The following WNK2 variants were observed in gnomAD, a reference collection of about 807,000 sequenced individuals.
The protein encoded by WNK2 is WNK lysine deficient protein kinase 2.
A neutral mutation model predicts 192.1 loss-of-function variants in WNK2; 67 were observed. The observed-to-expected ratio is 0.35, with a 90% confidence interval of 0.29 to 0.43. The LOEUF (loss-of-function observed/expected upper bound fraction) is 0.43, where lower values mean the gene tolerates loss of function less well. WNK2 is among the 20% of genes least tolerant of loss of function. The pLI is 1.00. For synonymous variants in WNK2, 1,439 were observed against 1,393.9 expected, an observed-to-expected ratio of 1.03 and a Z score of -0.72; for missense variants, 2,698 against 3,089.7, an observed-to-expected ratio of 0.87 and a Z score of 3.01.
At chr9:93,278,366 A>G (rs892092335) in intron 19 of WNK2, among the ~76,000 whole-genome samples, 3 of 152,226 alleles carry the variant, frequency 2.0e-5, no homozygotes, top group African/African-American at 7.2e-5. Flanking sequence ...AGGCTGAGGA[A>G]TGACCCACCA....
At chr9:93,235,051 A>G in intron 5 of WNK2, 86 bp downstream of exon 5, 1 of 1,511,866 alleles carries the variant, frequency 6.6e-7, no homozygotes, top group South Asian at 1.2e-5. Flanking sequence ...TGGCTCTGTA[A>G]AGCCATCCTG....
At chr9:93,268,538 T>A (rs1228102004) in intron 18 of WNK2, 89 bp from the exon 19 acceptor site, 2 of 1,544,574 alleles carry the variant, frequency 1.3e-6, no homozygotes, top group African/African-American at 2.7e-5. Context: ...ACAGACCCAC[T>A]GTGGCAAGTC....
chr9:93,298,112 C>A (rs1204383846), intron 24 of WNK2, 45 bp downstream of exon 24: 2 of 1,538,676 alleles, frequency 1.3e-6, no homozygotes, highest in Non-Finnish European at 1.8e-6. Context: ...GGGCTGGGGA[C>A]CCCCGAGTGA....
At chr9:93,208,145 G>A (rs1202183816) in intron 2 of WNK2, among the ~76,000 whole-genome samples, 4 of 152,210 alleles carry the variant, frequency 2.6e-5, no homozygotes, top group Non-Finnish European at 4.4e-5. Context: ...CTGTGGCGGA[G>A]CCTGGAGCAG....
chr9:93,308,286 G>C (rs988441711), intron 27 of WNK2, 42 bp from the exon 28 acceptor site: 4 of 1,533,852 alleles, frequency 2.6e-6, no homozygotes, highest in Non-Finnish European at 3.5e-6. Context: ...GCCTGGGTGC[G>C]TGTGTGGCGT....
intron 11 of WNK2, 137 bp from the exon 12 acceptor site, chr9:93,258,794 T>C (rs1356317908): frequency 1.4e-6 from 1 of 719,080 alleles, no homozygotes; most frequent in Admixed American, 2.8e-5. Flanking sequence ...CACAAAGGTG[T>C]CTCGGAGGGA....
At position 93,317,636 on chromosome 9, in the gene WNK2, T is replaced by C; in HGVS notation, c.6628+5T>C. 8 of 1,612,418 alleles carry C rather than the reference T, an allele frequency of 5.0e-6. No individual in the cohort carries two copies. The highest frequency in any genetic ancestry group is 6.8e-6 in the Non-Finnish European group (8 of 1,179,536). On this transcript the variant is annotated splice_donor_5th_base_variant and intron_variant, in intron 29 of 29. Coordinates refer to ENST00000427277, the MANE Select transcript of WNK2 (RefSeq NM_006648.4). ...CCCTGTCCGTGCCCACACCAGGTACTGCCCTCTCCAACCTCCCAACCCCAC... is the reference window on the plus strand; with the variant it reads ...CCCTGTCCGTGCCCACACCAGGTACCGCCCTCTCCAACCTCCCAACCCCAC...
intron 2 of WNK2, among the ~76,000 whole-genome samples, chr9:93,218,209 C>G (rs2131712439): frequency 6.6e-6 from 1 of 152,296 alleles, no homozygotes; most frequent in South Asian, 2.1e-4. Flanking sequence ...TTCTGTGGAA[C>G]TCCACAGGAT....
intron 23 of WNK2, among the ~76,000 whole-genome samples, chr9:93,295,590 G>A (rs1234349853): frequency 6.6e-6 from 1 of 151,948 alleles, no homozygotes; most frequent in African/African-American, 2.4e-5. Flanking sequence ...TGAAGGCAAG[G>A]GGTTACAGGC....
chr9:93,266,537 GC>G (rs1845200735), intron 16 of WNK2, among the ~76,000 whole-genome samples: 1 of 152,354 alleles, frequency 6.6e-6, no homozygotes, highest in Non-Finnish European at 1.5e-5. Flanking sequence ...TTGGAACGTT[GC>G]TTAAATTCTC....
chr9:93,273,270 G>C (rs1381040791), intron 19 of WNK2, among the ~76,000 whole-genome samples: 1 of 152,176 alleles, frequency 6.6e-6, no homozygotes, highest in Non-Finnish European at 1.5e-5. Flanking sequence ...CGATTCTCCT[G>C]CCTCAGCCTC....
chr9:93,278,841 G>A (rs1369061631), intron 19 of WNK2, among the ~76,000 whole-genome samples: 1 of 152,188 alleles, frequency 6.6e-6, no homozygotes, highest in African/African-American at 2.4e-5. Context: ...CTATAGAAGT[G>A]TAATTCACCA....
intron 2 of WNK2, among the ~76,000 whole-genome samples, chr9:93,221,275 C>T (rs1428557952): frequency 2.0e-5 from 3 of 152,230 alleles, no homozygotes; most frequent in South Asian, 2.1e-4. Flanking sequence ...CAGTATGGAC[C>T]GGGCACCACC....
intron 19 of WNK2, among the ~76,000 whole-genome samples, chr9:93,281,876 C>G (rs1053935046): frequency 1.3e-5 from 2 of 152,102 alleles, no homozygotes; most frequent in Non-Finnish European, 2.9e-5. Flanking sequence ...GAAATAAGCC[C>G]CAACCTCAAA....
intron 16 of WNK2, among the ~76,000 whole-genome samples, chr9:93,264,676 T>G (rs975043917): frequency 2.0e-5 from 3 of 152,188 alleles, no homozygotes; most frequent in Non-Finnish European, 4.4e-5. Context: ...TCCTCAAATT[T>G]CCTGGTGCAT....
At chr9:93,189,190 A>G (rs957451481) in intron 2 of WNK2, among the ~76,000 whole-genome samples, 5 of 151,844 alleles carry the variant, frequency 3.3e-5, no homozygotes, top group Admixed American at 3.3e-4. Context: ...CTTTAACAAC[A>G]CTGACGCCTC....
intron 19 of WNK2, among the ~76,000 whole-genome samples, chr9:93,274,885 C>T (rs555225666): frequency 1.3e-5 from 2 of 152,302 alleles, no homozygotes; most frequent in South Asian, 4.1e-4. Flanking sequence ...AAAATCTCTT[C>T]CAGAAAATAG....
At chr9:93,258,228 G>T (rs1281859146) in intron 11 of WNK2, among the ~76,000 whole-genome samples, 1 of 152,220 alleles carries the variant, frequency 6.6e-6, no homozygotes, top group Non-Finnish European at 1.5e-5. Context: ...AAAGATGGAA[G>T]TGCTATGTCC....
At chr9:93,284,622 A>G (rs1027425771) in intron 19 of WNK2, among the ~76,000 whole-genome samples, 1 of 151,740 alleles carries the variant, frequency 6.6e-6, no homozygotes, top group African/African-American at 2.4e-5. Context: ...CAGGAAAGGA[A>G]GGGAAGGGGG....
Sources: gnomAD v4.1 joint callset for allele counts (sites outside exome capture counted in the v4.1 genomes callset) on GRCh38, gnomAD v4.1.1 for gene constraint, MANE v1.5 for transcripts, NCBI Gene and HGNC (gene_info 2026-07-23, HGNC 2026-07-21) for gene names.